Variants in GUCY2F observed in about 807,000 individuals in gnomAD.
GUCY2F encodes the protein guanylate cyclase 2F, retinal.
A neutral mutation model predicts 73.1 loss-of-function variants in GUCY2F; 61 were observed. That is an observed-to-expected ratio of 0.83 (90% CI 0.68 to 1.03). The LOEUF (loss-of-function observed/expected upper bound fraction) is 1.03. Among genes scored for constraint, GUCY2F ranks in the 50% least tolerant of loss-of-function variants. GUCY2F has a pLI of 0.00. For missense variants in GUCY2F, 912 were observed against 854.3 expected (o/e 1.07, Z -0.84); for synonymous variants, 331 against 307.8 (o/e 1.08, Z -0.79).
rs367639236 is a variant in GUCY2F, at chrX:109,391,977, G to A, written c.2715C>T (p.Val905=). The A allele has an allele frequency of 5.8e-6, 7 of 1,204,338 alleles. No homozygotes were observed. The highest frequency in any genetic ancestry group is 5.9e-5 in the East Asian group (2 of 33,680). The change falls in exon 14 of 20, where the codon GTC becomes GTT. Residue 905 remains valine, a synonymous_variant. Coordinates refer to ENST00000218006, the MANE Select transcript of GUCY2F (RefSeq NM_001522.3). ...TGTACAGGTCATTCAGAAGATCCAC[G>A]ACCTCAATGGGCTCACTCATGGCTG... The part of the protein sequence containing the change: ...TISAMSEPIE[V]VDLLNDLYTL...
chrX:109,461,187 T>A (rs1413169241), intron 3 of GUCY2F, among the ~76,000 whole-genome samples: 2 of 111,476 alleles, frequency 1.8e-5, no homozygotes, highest in Non-Finnish European at 3.8e-5. Context: ...TCAAAATTGA[T>A]TAATCGAGAG....
intron 1 of GUCY2F, among the ~76,000 whole-genome samples, chrX:109,479,269 G>A (rs1039234590): frequency 8.9e-6 from 1 of 112,228 alleles, no homozygotes; most frequent in Non-Finnish European, 1.9e-5. Context: ...TCTGCAAAGT[G>A]GGGGTAAATT....
At chrX:109,417,294 T>C in intron 8 of GUCY2F, among the ~76,000 whole-genome samples, 1 of 111,617 alleles carries the variant, frequency 9.0e-6, no homozygotes, top group Admixed American at 9.5e-5. Flanking sequence ...CTATATTATA[T>C]GGTTCACAAT....
intron 6 of GUCY2F, among the ~76,000 whole-genome samples, chrX:109,444,546 A>G (rs976593190): frequency 2.7e-5 from 3 of 111,876 alleles, no homozygotes; most frequent in African/African-American, 9.8e-5. Flanking sequence ...GGCCACATAT[A>G]CTAGCACAAG....
At chrX:109,463,192 A>C (rs1364298539) in intron 3 of GUCY2F, among the ~76,000 whole-genome samples, 1 of 111,749 alleles carries the variant, frequency 8.9e-6, no homozygotes, top group Non-Finnish European at 1.9e-5. Flanking sequence ...AGGACAGATA[A>C]AAAAGAATAT....
intron 11 of GUCY2F, among the ~76,000 whole-genome samples, chrX:109,397,163 C>T (rs1400586045): frequency 9.0e-6 from 1 of 111,224 alleles, no homozygotes; most frequent in African/African-American, 3.3e-5. Flanking sequence ...AATTCCACCT[C>T]CTAGTATGTG....
At chrX:109,376,281 C>T in intron 17 of GUCY2F, 114 bp from the exon 18 acceptor site, 1 of 507,592 alleles carries the variant, frequency 2.0e-6, no homozygotes, top group South Asian at 3.2e-5. Context: ...GTCTTCCTCC[C>T]TACGGGGCTG....
chrX:109,380,291 C>T (rs1159583978), intron 17 of GUCY2F, among the ~76,000 whole-genome samples: 3 of 111,755 alleles, frequency 2.7e-5, no homozygotes, highest in African/African-American at 9.8e-5. Context: ...AATATTGAAT[C>T]AGAATTTCTG....
In GUCY2F at chrX:109,376,603, G is replaced by T. The variant is rs777755231; in HGVS notation, c.3151-436C>A. Among the ~76,000 whole-genome samples, 241 of 112,257 alleles carry T rather than the reference G, an allele frequency of 2.1e-3. 12 individuals are homozygous for T. In the Middle Eastern group the frequency reaches 0.023, roughly 11 times the overall value. On this transcript the variant is annotated intron_variant, in intron 17 of 19. Transcript: ENST00000218006. ...TGGAAAACAGGCTGTTAAATTTTAA[G>T]CCTAAATTATCCTGGCTATTTTGAG...
chrX:109,433,161 T>C (rs1329801980), intron 7 of GUCY2F, among the ~76,000 whole-genome samples: 1 of 112,184 alleles, frequency 8.9e-6, no homozygotes, highest in Non-Finnish European at 1.9e-5. Flanking sequence ...CTCGCAGTCC[T>C]GACTCTGCCT....
chrX:109,444,783 G>A (rs1390539005), intron 6 of GUCY2F, among the ~76,000 whole-genome samples: 3 of 111,943 alleles, frequency 2.7e-5, no homozygotes, highest in East Asian at 2.8e-4. Flanking sequence ...AGTTATAGCC[G>A]ATTGTCATGA....
At chrX:109,388,415 A>G in intron 15 of GUCY2F, 74 bp downstream of exon 15, 2 of 823,692 alleles carry the variant, frequency 2.4e-6, no homozygotes, top group South Asian at 4.8e-5. Flanking sequence ...GGGGAGAGCT[A>G]TCTTTTTCCC....
At position 109,405,867 on chromosome X, in the gene GUCY2F, A is replaced by T. The variant is rs180886073; in HGVS notation, c.1969-1383T>A. Among the ~76,000 whole-genome samples, 45 of 111,873 alleles carry T rather than the reference A, an allele frequency of 4.0e-4. No individual in the cohort carries two copies. The East Asian group carries it at 7.8e-3, about 19-fold the overall frequency. On this transcript the variant is annotated intron_variant, in intron 9 of 19. Coordinates refer to ENST00000218006, the MANE Select transcript of GUCY2F (RefSeq NM_001522.3). ...CCGCCACCTAATAGTTGGCTGAGAA[A>T]TATTTATTGAGTACCTACTATATGT...
At chrX:109,419,309 G>A (rs1225108125) in intron 8 of GUCY2F, among the ~76,000 whole-genome samples, 1 of 110,621 alleles carries the variant, frequency 9.0e-6, no homozygotes, top group Non-Finnish European at 1.9e-5. Flanking sequence ...TAAAAGATTA[G>A]CAAATATCGT....
intron 7 of GUCY2F, among the ~76,000 whole-genome samples, chrX:109,436,158 T>A (rs1216373427): frequency 8.9e-6 from 1 of 112,014 alleles, no homozygotes; most frequent in Non-Finnish European, 1.9e-5. Context: ...GGAAGACATT[T>A]ATGCAGCCAA....
intron 1 of GUCY2F, among the ~76,000 whole-genome samples, chrX:109,479,928 A>G (rs1417337685): frequency 8.9e-6 from 1 of 111,741 alleles, no homozygotes; most frequent in Non-Finnish European, 1.9e-5. Context: ...AAATCTAAAC[A>G]AGAAAAGCAA....
intron 10 of GUCY2F, among the ~76,000 whole-genome samples, chrX:109,402,333 C>A (rs980579199): frequency 3.6e-5 from 4 of 110,420 alleles, no homozygotes; most frequent in Non-Finnish European, 3.8e-5. Flanking sequence ...TTCAAAGTTG[C>A]CCATCTGGAA....
chrX:109,480,658 T>G (rs1932759089), intron 1 of GUCY2F, among the ~76,000 whole-genome samples: 1 of 111,125 alleles, frequency 9.0e-6, no homozygotes, highest in South Asian at 3.8e-4. Flanking sequence ...TGCCACAAAG[T>G]GTCCCTTGGC....
At chrX:109,443,266 C>T (rs1050402985) in intron 6 of GUCY2F, among the ~76,000 whole-genome samples, 4 of 110,850 alleles carry the variant, frequency 3.6e-5, no homozygotes, top group Non-Finnish European at 7.6e-5. Flanking sequence ...TTTTCCACCT[C>T]GGCCAAAATA....
Sources: allele counts gnomAD v4.1 joint callset (sites outside exome capture counted in the v4.1 genomes callset), GRCh38; gene constraint gnomAD v4.1.1; transcripts MANE v1.5; gene names NCBI Gene and HGNC (gene_info 2026-07-23, HGNC 2026-07-21).